RFLNA: variants seen among roughly 807,000 people sequenced by gnomAD.
RFLNA encodes refilin-A.
In RFLNA, 5 loss-of-function variants were observed where a neutral mutation model predicts 7.8. That is an observed-to-expected ratio of 0.64 (90% CI 0.34 to 1.35). RFLNA has a LOEUF of 1.35. Among genes scored for constraint, RFLNA ranks in the 40% most tolerant of loss-of-function variants. The pLI is 0.04. For synonymous variants in RFLNA, 141 were observed against 131.3 expected, an observed-to-expected ratio of 1.07 and a Z score of -0.50; for missense variants, 278 against 305.5, an observed-to-expected ratio of 0.91 and a Z score of 0.67.
chr12:124,312,441 G>A (rs1039653191), intron 2 of RFLNA, among the ~76,000 whole-genome samples: 4 of 151,850 alleles, frequency 2.6e-5, no homozygotes, highest in Non-Finnish European at 5.9e-5. Flanking sequence ...CTCCCGAGTA[G>A]CTGAGACTGC....
chr12:124,312,412 G>A (rs1185992182), intron 2 of RFLNA, among the ~76,000 whole-genome samples: 1 of 151,578 alleles, frequency 6.6e-6, no homozygotes, highest in Non-Finnish European at 1.5e-5. Context: ...CTGGGCTTAA[G>A]CAATCCTCCT....
intron 1 of RFLNA, among the ~76,000 whole-genome samples, chr12:124,297,201 G>T (rs1213613440): frequency 6.6e-6 from 1 of 152,142 alleles, no homozygotes; most frequent in Non-Finnish European, 1.5e-5. Context: ...CTTACAGAGG[G>T]TTTTCTGGAA....
Position 124,311,818 on chromosome 12 carries a change from C to T in RFLNA, c.208C>T (p.Pro70Ser). 1.9e-6 allele frequency: 3 copies of T among 1,583,484 alleles called. No individual in the cohort carries two copies. Among genetic ancestry groups the T allele is most frequent in the South Asian group, 2.3e-5 (2 of 86,244 alleles). The change falls in exon 2 of 3, where the codon CCC (proline) becomes TCC (serine). Residue 70 changes from proline to serine, a missense_variant and splice_region_variant. Physicochemically the swap from Pro to Ser is moderately conservative, Grantham distance 74 (BLOSUM62 -1). Coordinates refer to ENST00000546355, the MANE Select transcript of RFLNA (RefSeq NM_001365156.1). Reference sequence around the variant, plus strand: ...CCCGTGTCCCTGGCTCTCCCCACAGCCCCCCTCCCAACTCCCAAATCCCCC... The same window carrying T: ...CCCGTGTCCCTGGCTCTCCCCACAGTCCCCCTCCCAACTCCCAAATCCCCC... ...EPPGPSEARA[P>S]PSQLPNPPAS...
upstream of RFLNA, among the ~76,000 whole-genome samples, chr12:124,292,992 C>T (rs1442577473): frequency 6.6e-6 from 1 of 152,206 alleles, no homozygotes; most frequent in Non-Finnish European, 1.5e-5. Flanking sequence ...GGCATGACCT[C>T]AGCTCACTGC....
At chr12:124,297,905 C>T (rs532973244) in intron 1 of RFLNA, among the ~76,000 whole-genome samples, 4 of 152,196 alleles carry the variant, frequency 2.6e-5, no homozygotes, top group Non-Finnish European at 5.9e-5. Context: ...TTAACCGCAC[C>T]CTGCTCACTG....
chr12:124,303,037 G>A (rs1042189289), intron 1 of RFLNA, among the ~76,000 whole-genome samples: 2 of 152,172 alleles, frequency 1.3e-5, no homozygotes, highest in African/African-American at 2.4e-5. Context: ...CTGATGGGCC[G>A]CTAGTTGGCT....
chr12:124,311,798 G>A lies in RFLNA; in HGVS notation c.208-20G>A, dbSNP rs912906522. On this transcript the variant is annotated intron_variant, in intron 1 of 2. Transcript: ENST00000546355. ...GCAACAAGGGGCTGCATAACCCCGT[G>A]TCCCTGGCTCTCCCCACAGCCCCCC... The A allele has an allele frequency of 1.1e-5, 17 of 1,552,740 alleles. No homozygotes were observed. Among genetic ancestry groups the A allele is most frequent in the East Asian group, 9.9e-5 (4 of 40,246 alleles).
At position 124,313,450 on chromosome 12, in the gene RFLNA, G is replaced by A. The variant is rs181074837; in HGVS notation, c.318-742G>A. Among the ~76,000 whole-genome samples, 22 of 152,248 alleles carry A rather than the reference G, an allele frequency of 1.4e-4. No individual in the cohort carries two copies. In the East Asian group the frequency reaches 3.1e-3, roughly 21 times the overall value. ...TCCCAGCACTTTGGGAGGCCGAGGC[G>A]GGCGGATCACGAGGTCAGGAGATCG... is the stretch of plus-strand genomic sequence containing the variant. On this transcript the variant is annotated intron_variant, in intron 2 of 2. Coordinates refer to ENST00000546355, the MANE Select transcript of RFLNA (RefSeq NM_001365156.1).
At chr12:124,311,505 G>A (rs74884171) in intron 1 of RFLNA, among the ~76,000 whole-genome samples, 395 of 152,350 alleles carry the variant, frequency 2.6e-3, no homozygotes, top group African/African-American at 8.6e-3. Context: ...GCTCTGAGCC[G>A]GGCTCCGGGG....
chr12:124,298,197 A>C (rs1049376637), intron 1 of RFLNA, among the ~76,000 whole-genome samples: 1 of 152,172 alleles, frequency 6.6e-6, no homozygotes, highest in Non-Finnish European at 1.5e-5. Flanking sequence ...CCCGCCCTCA[A>C]ATCTAAGCCA....
At chr12:124,293,929 T>A (rs926690716), upstream of RFLNA, among the ~76,000 whole-genome samples, 12 of 152,224 alleles carry the variant, frequency 7.9e-5, no homozygotes, top group African/African-American at 2.9e-4. Flanking sequence ...CCTTAAGTTG[T>A]CCCTTTGACT....
chr12:124,309,620 C>A (rs1425198650), intron 1 of RFLNA, among the ~76,000 whole-genome samples: 1 of 152,224 alleles, frequency 6.6e-6, no homozygotes, highest in Non-Finnish European at 1.5e-5. Flanking sequence ...TTATTTAAAG[C>A]CCCGCCCTTC....
In RFLNA at chr12:124,295,420, C is replaced by G; in HGVS notation, c.-10C>G. 1.6e-6 allele frequency: 2 copies of G among 1,226,570 alleles called. No individual in the cohort carries two copies. Among genetic ancestry groups the G allele is most frequent in the South Asian group, 4.0e-5 (1 of 24,778 alleles). The allele number at this position is 1,226,570 out of a possible 1,614,324, so 76.0% of individuals were successfully genotyped here. On this transcript the variant is annotated 5_prime_UTR_variant, in exon 1 of 3. Transcript: ENST00000546355. ...AGGAGCGGGGGGCCCGCGCCCCGCGCCCCCCAGACATGGTGGGCCACCTGC... is the reference window on the plus strand; with the variant it reads ...AGGAGCGGGGGGCCCGCGCCCCGCGGCCCCCAGACATGGTGGGCCACCTGC...
At chr12:124,311,367 G>A (rs2034240256) in intron 1 of RFLNA, among the ~76,000 whole-genome samples, 1 of 106,250 alleles carries the variant, frequency 9.4e-6, no homozygotes, top group Non-Finnish European at 2.0e-5. Flanking sequence ...CACAGGTGTG[G>A]TGGGGTCTCT....
rs142129049 is a variant in RFLNA, at chr12:124,307,248, C to T, written c.208-4570C>T. ...GGTCAGGGAGGTGTCATGGCCGCTG[C>T]GCACGGTGCCCCACTGCCTCAGTCT... On this transcript the variant is annotated intron_variant, in intron 1 of 2. Coordinates refer to ENST00000546355, the MANE Select transcript of RFLNA (RefSeq NM_001365156.1). Among the ~76,000 whole-genome samples, 1,324 of 152,338 alleles carry T rather than the reference C, an allele frequency of 8.7e-3. 11 individuals are homozygous for T. Among genetic ancestry groups the T allele is most frequent in the Admixed American group, 0.015 (225 of 15,310 alleles).
chr12:124,302,406 G>T (rs2034053532), intron 1 of RFLNA, among the ~76,000 whole-genome samples: 1 of 152,248 alleles, frequency 6.6e-6, no homozygotes, highest in African/African-American at 2.4e-5. Flanking sequence ...GTTCCTTGCT[G>T]GGCCCTTGAT....
intron 1 of RFLNA, among the ~76,000 whole-genome samples, chr12:124,304,680 C>T (rs546425076): frequency 6.6e-6 from 1 of 152,374 alleles, no homozygotes; most frequent in South Asian, 2.1e-4. Flanking sequence ...GTTAGCCTTT[C>T]CTGGCAGCGC....
upstream of RFLNA, among the ~76,000 whole-genome samples, chr12:124,293,623 T>G (rs1042916662): frequency 6.6e-6 from 1 of 152,170 alleles, no homozygotes; most frequent in Non-Finnish European, 1.5e-5. Flanking sequence ...TTCCAAATAT[T>G]CAAACCTCTG....
chr12:124,290,420 ATGTG>A (rs1566317085), upstream of RFLNA, among the ~76,000 whole-genome samples: 1 of 152,036 alleles, frequency 6.6e-6, no homozygotes, highest in African/African-American at 2.4e-5. This position sits in a 1 kb window ranked among gnomAD's most constrained non-coding sequence, Gnocchi z 4.0. Flanking sequence ...ATGTAGGTAC[ATGTG>A]TGTATGTGCA....
Sources: allele counts gnomAD v4.1 joint callset (sites outside exome capture counted in the v4.1 genomes callset), GRCh38; gene constraint gnomAD v4.1.1; non-coding constraint Gnocchi (gnomAD v3.1); transcripts MANE v1.5; gene names NCBI Gene and HGNC (gene_info 2026-07-23, HGNC 2026-07-21).